VPS13C: variants seen among roughly 807,000 people sequenced by gnomAD.
The protein encoded by VPS13C is vacuolar protein sorting 13 homolog C, also known as intermembrane lipid transfer protein VPS13C.
Under a neutral mutation model 456.8 loss-of-function variants are expected in VPS13C, and 358 were observed. The ratio of observed to expected loss-of-function variants is 0.78; its 90% CI spans 0.72 to 0.86. VPS13C has a LOEUF of 0.86. Ranked by LOEUF, VPS13C falls within the 40% of genes least tolerant of loss-of-function variation. The pLI is 0.00. For synonymous variants in VPS13C, 1,578 were observed against 1,486.7 expected (o/e 1.06, Z -1.41); for missense variants, 4,818 against 4,385.4 (o/e 1.10, Z -2.79).
chr15:61,991,888 C>CT lies in VPS13C; in HGVS notation c.1354-87dup, dbSNP rs201011173. On this transcript the variant is annotated intron_variant, in intron 16 of 84. Coordinates refer to ENST00000644861, the MANE Select transcript of VPS13C (RefSeq NM_020821.3). ...AGCCTGGGAAAAAAAAACAATGGTT[C>CT]TTTTTTTTTTTTTAACGCTACGTAA... The CT allele has an allele frequency of 0.084, 88,822 of 1,061,558 alleles. 292 individuals carry two copies. Among genetic ancestry groups the CT allele is most frequent in the South Asian group, 0.1 (5,789 of 55,260 alleles). The allele number at this position is 1,061,558 out of a possible 1,614,324, so 65.8% of individuals were successfully genotyped here. A position where few individuals can be genotyped will look rare whatever the true frequency, so the allele number is the denominator to read the frequency against.
intron 1 of VPS13C, among the ~76,000 whole-genome samples, chr15:62,059,163 TA>T (rs1166617554): frequency 6.6e-6 from 1 of 152,220 alleles, no homozygotes; most frequent in Non-Finnish European, 1.5e-5. Flanking sequence ...ATTGAGGTAT[TA>T]TTTTTTTCTC....
chr15:61,913,604 C>T (rs2043369141), intron 61 of VPS13C, among the ~76,000 whole-genome samples, 189 bp from the exon 62 acceptor site: 1 of 151,664 alleles, frequency 6.6e-6, no homozygotes, highest in Middle Eastern at 3.4e-3. Context: ...ACAAAAACTT[C>T]CTGAGAAAGT....
In VPS13C at chr15:61,919,439, T is replaced by A. The variant is rs777128386; in HGVS notation, c.7488A>T (p.Gly2496=). The A allele has an allele frequency of 1.7e-5, 27 of 1,582,532 alleles. No individual in the cohort carries two copies. Among genetic ancestry groups the A allele is most frequent in the Non-Finnish European group, 1.9e-5 (22 of 1,168,280 alleles). Reference sequence around the variant, plus strand: ...CAGGGATATTTGCAACTTCTGTATATCCATGAGGTACTAAGGCAGTGCATA... The same window carrying A: ...CAGGGATATTTGCAACTTCTGTATAACCATGAGGTACTAAGGCAGTGCATA... The part of the protein sequence containing the change: ...SFFTLTIVPH[G]YTEVANIPVA... Residue 2496 remains glycine (G), a synonymous_variant, in exon 58 of 85, where the codon GGA becomes GGT. Transcript: ENST00000644861.
intron 67 of VPS13C, among the ~76,000 whole-genome samples, chr15:61,886,772 A>G (rs1296581528): frequency 6.6e-6 from 1 of 152,198 alleles, no homozygotes; most frequent in Non-Finnish European, 1.5e-5. Context: ...TTAGTCAATG[A>G]TAGTGTTAAC....
chr15:61,917,983 G>T (rs1449173055), intron 59 of VPS13C, among the ~76,000 whole-genome samples, 153 bp downstream of exon 59: 1 of 151,990 alleles, frequency 6.6e-6, no homozygotes, highest in Non-Finnish European at 1.5e-5. Flanking sequence ...TAAATTCAAT[G>T]ATAATATAAA....
Position 61,888,239 on chromosome 15 carries a change from C to T in VPS13C, c.9341+1926G>A, listed in dbSNP as rs933106852. Among the ~76,000 whole-genome samples, 7 of 152,138 alleles carry T rather than the reference C, an allele frequency of 4.6e-5. No individual in the cohort carries two copies. The East Asian group carries it at 1.3e-3, about 29-fold the overall frequency. ...GAGCAACAGGAACTCCCATTTATTG[C>T]TAGTGGGAATGCAAAAATGATGCAA... On this transcript the variant is annotated intron_variant, in intron 67 of 84. Transcript: ENST00000644861.
chr15:62,019,080 T>C (rs985569913), intron 9 of VPS13C, among the ~76,000 whole-genome samples: 2 of 152,126 alleles, frequency 1.3e-5, no homozygotes, highest in African/African-American at 4.8e-5. Flanking sequence ...TGCGTAGAGG[T>C]GTTTATAGTA....
chr15:61,882,656 C>A lies in VPS13C; in HGVS notation c.9564G>T (p.Gln3188His), dbSNP rs754646131. 3.1e-6 allele frequency: 5 copies of A among 1,601,916 alleles called. No individual in the cohort carries two copies. Among genetic ancestry groups the A allele is most frequent in the Non-Finnish European group, 4.3e-6 (5 of 1,174,476 alleles). ...GGTGAGAAGACTGCTTAAATTCAATCTGAATTCCTGATAAAAAGTCTCGTT... is the reference window on the plus strand; with the variant it reads ...GGTGAGAAGACTGCTTAAATTCAATATGAATTCCTGATAAAAAGTCTCGTT... ...PIKRDFLSGI[Q>H]IEFKQSSHQR... Residue 3188 changes from glutamine (Q) to histidine (H), a missense_variant, in exon 69 of 85, where the codon CAG becomes CAT. Gln to His is a conservative substitution (Grantham distance 24). This residue lies in a region of VPS13C where 4,552 missense variants were observed against 4,130.6 expected (regional missense o/e 1.10). Coordinates refer to ENST00000644861, the MANE Select transcript of VPS13C (RefSeq NM_020821.3).
At chr15:61,926,392 C>G (rs1199851670) in intron 52 of VPS13C, among the ~76,000 whole-genome samples, 1 of 152,058 alleles carries the variant, frequency 6.6e-6, no homozygotes, top group Non-Finnish European at 1.5e-5. Context: ...GGAGTGAGAC[C>G]CTTGTCTCTA....
chr15:61,924,893 C>T (rs1000708143), intron 53 of VPS13C, among the ~76,000 whole-genome samples: 7 of 152,116 alleles, frequency 4.6e-5, no homozygotes, highest in East Asian at 1.9e-4. Flanking sequence ...ATCTTCTATT[C>T]GTGACTGGGC....
chr15:61,896,486 T>G (rs993864977), intron 66 of VPS13C, among the ~76,000 whole-genome samples: 1 of 151,772 alleles, frequency 6.6e-6, no homozygotes, highest in East Asian at 1.9e-4. Context: ...AAGAAAGGGG[T>G]GACGGACGGG....
rs1231224627 is a variant in VPS13C, at chr15:62,041,309, G to C, written c.187+15C>G. 6.3e-7 allele frequency: 1 copy of C among 1,594,712 alleles called. No individual in the cohort carries two copies. The highest frequency in any genetic ancestry group is 1.4e-5 in the African/African-American group (1 of 73,560). ...TAGGACCAAGAATAATTCAAATGAA[G>C]ACTAAAGTACTTACCAATTTGGCCA... On this transcript the variant is annotated intron_variant, in intron 3 of 84. Transcript: ENST00000644861.
Position 61,854,878 on chromosome 15 carries a change from G to A in VPS13C, c.11153C>T (p.Thr3718Ile). 6.2e-7 allele frequency: 1 copy of A among 1,612,040 alleles called. No individual in the cohort carries two copies. The highest frequency in any genetic ancestry group is 8.5e-7 in the Non-Finnish European group (1 of 1,179,366). The change falls in exon 84 of 85, where the codon ACA becomes ATA. Residue 3718 changes from threonine (T) to isoleucine (I), a missense_variant. Around this residue, in one of 3 missense-constraint regions of VPS13C, gnomAD observed 261 missense variants for 234.1 expected, o/e 1.11. Coordinates refer to ENST00000644861, the MANE Select transcript of VPS13C (RefSeq NM_020821.3). ...GCTCTTTAAATTGTTTACCTCTGCT[G>A]TGGCGGTGTCCTTCAGGTAAACTTT... is the stretch of plus-strand genomic sequence containing the variant. Reference protein sequence around the residue: ...VRKVYLKDTATAERACNAIED... With the variant: ...VRKVYLKDTAIAERACNAIED...
chr15:61,904,384 A>G (rs1486701002), intron 66 of VPS13C, among the ~76,000 whole-genome samples: 1 of 152,042 alleles, frequency 6.6e-6, no homozygotes, highest in East Asian at 1.9e-4. Flanking sequence ...AATGGCAAAC[A>G]TGTATATAAA....
chr15:61,898,994 T>C (rs1281887609), intron 66 of VPS13C, among the ~76,000 whole-genome samples: 1 of 86,936 alleles, frequency 1.2e-5, no homozygotes, highest in African/African-American at 4.2e-5. Context: ...AACCTGCTCC[T>C]GAATGACTAC....
At chr15:62,007,969 G>A (rs190511783) in intron 14 of VPS13C, among the ~76,000 whole-genome samples, 190 of 152,206 alleles carry the variant, frequency 1.2e-3, no homozygotes, top group African/African-American at 4.3e-3. Flanking sequence ...GGCCAGGCAC[G>A]GTGGCTCACG....
At chr15:61,913,510 A>T (rs1202737713) in intron 61 of VPS13C, 95 bp from the exon 62 acceptor site, 12 of 1,049,006 alleles carry the variant, frequency 1.1e-5, no homozygotes, top group Non-Finnish European at 1.4e-5. Context: ...AAATTTCTTT[A>T]GTACCGTGGG....
chr15:62,034,106 T>C (rs924917282), intron 4 of VPS13C, among the ~76,000 whole-genome samples: 5 of 151,684 alleles, frequency 3.3e-5, no homozygotes, highest in African/African-American at 1.2e-4. Context: ...TAGTACTGAC[T>C]ATAGTATTGA....
At chr15:62,058,136 G>T (rs2048861137) in intron 1 of VPS13C, among the ~76,000 whole-genome samples, 1 of 152,142 alleles carries the variant, frequency 6.6e-6, no homozygotes, top group Non-Finnish European at 1.5e-5. Flanking sequence ...AGAAACTAAG[G>T]CCCAATAAGG....
Sources: gnomAD v4.1 joint callset for allele counts (sites outside exome capture counted in the v4.1 genomes callset) on GRCh38, gnomAD v4.1.1 for gene constraint, gnomAD v4.1.1 regional missense constraint, MANE v1.5 for transcripts, NCBI Gene and HGNC (gene_info 2026-07-23, HGNC 2026-07-21) for gene names.